The following EFR3A variants were observed in gnomAD, a reference collection of about 807,000 sequenced individuals.
EFR3A encodes the protein EFR3 homolog A.
Under a neutral mutation model 104.4 loss-of-function variants are expected in EFR3A, and 76 were observed. The ratio of observed to expected loss-of-function variants is 0.73; its 90% CI spans 0.60 to 0.88. EFR3A has a LOEUF of 0.88. EFR3A is among the 40% of genes least tolerant of loss of function. EFR3A has a pLI of 0.00. For synonymous variants in EFR3A, 330 were observed against 330.0 expected (o/e 1.00, Z 0.00); for missense variants, 985 against 1,012.5 (o/e 0.97, Z 0.37).
intron 22 of EFR3A, among the ~76,000 whole-genome samples, chr8:132,006,784 A>G (rs1822077123): frequency 6.6e-6 from 1 of 152,004 alleles, no homozygotes; most frequent in Non-Finnish European, 1.5e-5. Context: ...AATGTTAGCA[A>G]ATGTATAAAA....
chr8:131,906,260 A>G (rs1816261797), intron 1 of EFR3A, among the ~76,000 whole-genome samples: 1 of 152,200 alleles, frequency 6.6e-6, no homozygotes, highest in Admixed American at 6.5e-5. Flanking sequence ...CAACACAGAG[A>G]TGGCAAAATT....
chr8:131,924,911 G>C (rs1817227612), intron 1 of EFR3A, among the ~76,000 whole-genome samples: 1 of 151,986 alleles, frequency 6.6e-6, no homozygotes, highest in Admixed American at 6.6e-5. Flanking sequence ...TTTCAAGCAT[G>C]TAAGTTCTTG....
chr8:131,916,019 G>A (rs904442514), intron 1 of EFR3A, among the ~76,000 whole-genome samples: 7 of 152,184 alleles, frequency 4.6e-5, no homozygotes, highest in Admixed American at 2.6e-4. Flanking sequence ...TGCTCAGCAC[G>A]TAGTTAAACT....
chr8:132,002,118 C>T (rs1821811720), intron 20 of EFR3A, among the ~76,000 whole-genome samples: 1 of 152,146 alleles, frequency 6.6e-6, no homozygotes, highest in Non-Finnish European at 1.5e-5. Flanking sequence ...AATTCCTTTC[C>T]AAATTGTGGT....
chr8:132,011,362 C>T lies in EFR3A; in HGVS notation c.*467C>T, dbSNP rs1274651831. 8 of 985,950 alleles carry T rather than the reference C, an allele frequency of 8.1e-6. No homozygotes were observed. Among genetic ancestry groups the T allele is most frequent in the South Asian group, 4.7e-5 (1 of 21,320 alleles). The allele number at this position is 985,950 out of a possible 1,614,324, so 61.1% of individuals were successfully genotyped here. On this transcript the variant is annotated 3_prime_UTR_variant, in exon 23 of 23. Coordinates refer to ENST00000254624, the MANE Select transcript of EFR3A (RefSeq NM_015137.6). ...CTAGTCCTGGGACTGCAAAACTGTT[C>T]GGTGGCTTTTTGTCCCCATGCTTTA...
chr8:132,001,714 A>G, intron 19 of EFR3A, 45 bp from the exon 20 acceptor site: 1 of 1,540,102 alleles, frequency 6.5e-7, no homozygotes, highest in Non-Finnish European at 9.0e-7. Flanking sequence ...TGTTATTTAT[A>G]TTGACCCTTT....
Position 131,970,478 on chromosome 8 carries a change from C to G in EFR3A, c.994C>G (p.Pro332Ala), listed in dbSNP as rs771163392. ...CTCACATAAGTGATCCTTTATAGGT[C>G]CGACAGTGCTGGAAGTCTTCAATAC... is the stretch of plus-strand genomic sequence containing the variant. ...VAIAAKGSIG[P>A]TVLEVFNTLL... Residue 332 changes from proline (P) to alanine (A), a missense_variant and splice_region_variant, in exon 10 of 23, where the codon CCG becomes GCG. Physicochemically the swap from Pro to Ala is conservative, Grantham distance 27 (BLOSUM62 -1). Transcript: ENST00000254624. 2 of 1,613,218 alleles carry G rather than the reference C, an allele frequency of 1.2e-6. No homozygotes were observed. The highest frequency in any genetic ancestry group is 1.7e-6 in the Non-Finnish European group (2 of 1,179,462).
chr8:131,968,094 C>T (rs1488040796), intron 8 of EFR3A, among the ~76,000 whole-genome samples: 1 of 151,874 alleles, frequency 6.6e-6, no homozygotes, highest in Non-Finnish European at 1.5e-5. Context: ...CTTTTTTTCA[C>T]TCAGAGTGTC....
intron 1 of EFR3A, among the ~76,000 whole-genome samples, chr8:131,911,026 T>C (rs757449025): frequency 2.0e-5 from 3 of 152,182 alleles, no homozygotes; most frequent in Non-Finnish European, 4.4e-5. Context: ...GTCTTTTTGC[T>C]AAATTAACCC....
chr8:131,929,873 T>C (rs1254671902), intron 1 of EFR3A, among the ~76,000 whole-genome samples: 1 of 152,176 alleles, frequency 6.6e-6, no homozygotes, highest in South Asian at 2.1e-4. Flanking sequence ...GTTTTACTAC[T>C]AGTAAAGCTG....
chr8:131,917,325 C>T (rs1443309541), intron 1 of EFR3A, among the ~76,000 whole-genome samples: 1 of 152,164 alleles, frequency 6.6e-6, no homozygotes, highest in Non-Finnish European at 1.5e-5. Context: ...TCCTCCCCGT[C>T]GATTGGTTTC....
intron 1 of EFR3A, among the ~76,000 whole-genome samples, chr8:131,910,282 G>C (rs1047047203): frequency 6.6e-6 from 1 of 152,120 alleles, no homozygotes; most frequent in African/African-American, 2.4e-5. Context: ...ATCTTTCTCT[G>C]GTAATTTGAG....
At chr8:132,001,557 C>A (rs1489440006) in intron 19 of EFR3A, among the ~76,000 whole-genome samples, 1 of 152,058 alleles carries the variant, frequency 6.6e-6, no homozygotes, top group African/African-American at 2.4e-5. Context: ...TTTTGGGGAA[C>A]CACTGCAGTA....
intron 8 of EFR3A, among the ~76,000 whole-genome samples, chr8:131,961,430 C>T (rs1819321104): frequency 6.6e-6 from 1 of 152,076 alleles, no homozygotes; most frequent in African/African-American, 2.4e-5. Context: ...GCTTCAGTAG[C>T]CGATTCGATC....
intron 2 of EFR3A, among the ~76,000 whole-genome samples, chr8:131,941,902 G>A (rs933039597): frequency 2.0e-5 from 3 of 152,054 alleles, no homozygotes; most frequent in African/African-American, 7.2e-5. Flanking sequence ...TTCAAGCGAA[G>A]GTTTATATAA....
chr8:131,979,375 T>C lies in EFR3A; in HGVS notation c.1529T>C (p.Ile510Thr). The C allele has an allele frequency of 6.4e-7, 1 of 1,568,156 alleles. No individual in the cohort carries two copies. The highest frequency in any genetic ancestry group is 8.7e-7 in the Non-Finnish European group (1 of 1,155,220). Reference sequence around the variant, plus strand: ...ATACCGGATGTAGCTGACCTAAAGATAAAAAGAGAAAAAATTTGCAGACAA... The same window carrying C: ...ATACCGGATGTAGCTGACCTAAAGACAAAAAGAGAAAAAATTTGCAGACAA... ...RIIPDVADLK[I>T]KREKICRQDT... is the part of the protein sequence containing the mutation. Residue 510 changes from isoleucine (I) to threonine (T), a missense_variant, in exon 14 of 23, where the codon ATA becomes ACA. Physicochemically the swap from Ile to Thr is moderately conservative, Grantham distance 89 (BLOSUM62 -1). Transcript: ENST00000254624.
intron 1 of EFR3A, 76 bp from the exon 2 acceptor site, chr8:131,940,423 T>A: frequency 7.2e-7 from 1 of 1,381,270 alleles, no homozygotes; most frequent in Non-Finnish European, 9.8e-7. Flanking sequence ...CCCATTAATA[T>A]TCAGAAACTT....
At position 132,012,829 on chromosome 8, in the gene EFR3A, G is replaced by A. The variant is rs767387003; in HGVS notation, c.*1934G>A. Reference sequence around the variant, plus strand: ...CACAAACTTTGCTCTACAAAATTTCGTGTTTCTTAGTGATTTTAAAATGCA... The same window carrying A: ...CACAAACTTTGCTCTACAAAATTTCATGTTTCTTAGTGATTTTAAAATGCA... On this transcript the variant is annotated 3_prime_UTR_variant, in exon 23 of 23. Transcript: ENST00000254624. The A allele has an allele frequency of 7.9e-5, 12 of 152,254 alleles. No homozygotes were observed. The highest frequency in any genetic ancestry group is 3.4e-3 in the Middle Eastern group (1 of 294). 9.4% of individuals were successfully genotyped at this position (152,254 alleles called of 1,614,324 possible).
chr8:131,909,074 T>C (rs975261715), intron 1 of EFR3A, among the ~76,000 whole-genome samples: 1 of 152,200 alleles, frequency 6.6e-6, no homozygotes, highest in African/African-American at 2.4e-5. Context: ...TTATCAGACA[T>C]TAGAACTTAC....
Sources: allele counts gnomAD v4.1 joint callset (sites outside exome capture counted in the v4.1 genomes callset), GRCh38; gene constraint gnomAD v4.1.1; transcripts MANE v1.5; gene names NCBI Gene and HGNC (gene_info 2026-07-23, HGNC 2026-07-21).